RBFOX1: variants seen among roughly 807,000 people sequenced by gnomAD.
The protein encoded by RBFOX1 is RNA binding protein fox-1 homolog 1.
Under a neutral mutation model 57.7 loss-of-function variants are expected in RBFOX1, and 8 were observed. The ratio of observed to expected loss-of-function variants is 0.14; its 90% CI spans 0.08 to 0.25. RBFOX1 has a LOEUF of 0.25. RBFOX1 is among the 10% of genes least tolerant of loss of function. The pLI is 1.00. For synonymous variants in RBFOX1, 326 were observed against 222.4 expected, an observed-to-expected ratio of 1.47 and a Z score of -4.15; for missense variants, 611 against 548.5, an observed-to-expected ratio of 1.11 and a Z score of -1.14.
At chr16:6,287,041 T>G (rs2152711497) in intron 1 of RBFOX1, among the ~76,000 whole-genome samples, 1 of 152,120 alleles carries the variant, frequency 6.6e-6, no homozygotes, top group African/African-American at 2.4e-5. Flanking sequence ...ATCTACAGAT[T>G]TTGAGTTGGG....
intron 3 of RBFOX1, among the ~76,000 whole-genome samples, chr16:6,911,056 C>G (rs1596971350): frequency 6.6e-6 from 1 of 151,916 alleles, no homozygotes; most frequent in East Asian, 1.9e-4. Flanking sequence ...CAAAAATTAG[C>G]CGAGCGTGGT....
chr16:6,889,016 A>C (rs2064805909), intron 3 of RBFOX1, among the ~76,000 whole-genome samples: 1 of 152,184 alleles, frequency 6.6e-6, no homozygotes, highest in Admixed American at 6.5e-5. Flanking sequence ...ATTGCAAATA[A>C]GTCTTCAGGG....
intron 11 of RBFOX1, among the ~76,000 whole-genome samples, chr16:7,638,027 T>A (rs951214303): frequency 6.6e-6 from 1 of 152,190 alleles, no homozygotes; most frequent in East Asian, 1.9e-4. Flanking sequence ...ATCGTGGATT[T>A]AAAAAATAAT....
intron 3 of RBFOX1, among the ~76,000 whole-genome samples, chr16:5,671,327 T>C (rs1369038546): frequency 6.6e-6 from 1 of 152,150 alleles, no homozygotes; most frequent in Non-Finnish European, 1.5e-5. Context: ...ATCTTATTAG[T>C]GTAGAAGGAT....
intron 2 of RBFOX1, among the ~76,000 whole-genome samples, chr16:6,615,743 A>G (rs1044163387): frequency 6.6e-6 from 1 of 152,128 alleles, no homozygotes; most frequent in East Asian, 1.9e-4. Flanking sequence ...AAGTCTCTCT[A>G]TATAGCTTCC....
chr16:6,424,265 A>C (rs926690254), intron 2 of RBFOX1, among the ~76,000 whole-genome samples: 8 of 152,134 alleles, frequency 5.3e-5, no homozygotes, highest in Non-Finnish European at 1.0e-4. Context: ...ATGAACAAAC[A>C]AACAACAACA....
At chr16:6,698,234 G>A (rs1176912012) in intron 3 of RBFOX1, among the ~76,000 whole-genome samples, 1 of 152,074 alleles carries the variant, frequency 6.6e-6, no homozygotes, top group Non-Finnish European at 1.5e-5. Flanking sequence ...ATATCATTAT[G>A]TAAAATAATA....
intron 3 of RBFOX1, among the ~76,000 whole-genome samples, chr16:6,889,640 C>G (rs1212370464): frequency 6.6e-6 from 1 of 152,194 alleles, no homozygotes; most frequent in East Asian, 1.9e-4. Flanking sequence ...TATCCGTAAG[C>G]CCATCCTCAA....
At chr16:6,918,849 T>G (rs112817344) in intron 3 of RBFOX1, among the ~76,000 whole-genome samples, 10 of 152,104 alleles carry the variant, frequency 6.6e-5, no homozygotes, top group African/African-American at 2.2e-4. Context: ...TGCAACACAT[T>G]GCAGGCTTGG....
chr16:6,034,229 G>A (rs2095331047), intron 1 of RBFOX1, among the ~76,000 whole-genome samples: 1 of 150,226 alleles, frequency 6.7e-6, no homozygotes, highest in Non-Finnish European at 1.5e-5. Flanking sequence ...CAGCTACTTG[G>A]GAGGCTGAGG....
intron 3 of RBFOX1, among the ~76,000 whole-genome samples, chr16:5,698,909 T>C (rs1426626569): frequency 6.6e-6 from 1 of 152,174 alleles, no homozygotes. Flanking sequence ...GTCTTTGTTT[T>C]CCTATTTCTT....
rs538146660 is a variant in RBFOX1 at position 6,019,287 on chromosome 16, G to T, written c.-832G>T. On this transcript the variant is annotated 5_prime_UTR_variant, in exon 1 of 16. Coordinates refer to ENST00000550418, the MANE Select transcript of RBFOX1 (RefSeq NM_018723.4). This position sits in a 1 kb window ranked among gnomAD's most constrained non-coding sequence, Gnocchi z 4.2. ...CCCCTTCCTGGTCTCCCGAGCGCGG[G>T]GTTTGAAGGTCACCTCCTTTCCAGT... 29 of 985,046 alleles carry T rather than the reference G, an allele frequency of 2.9e-5. No individual in the cohort carries two copies. In the East Asian group the frequency reaches 3.1e-3, roughly 106 times the overall value. 61.0% of individuals were successfully genotyped at this position (985,046 alleles called of 1,614,324 possible).
At chr16:7,063,310 G>A (rs2055059630) in intron 4 of RBFOX1, among the ~76,000 whole-genome samples, 1 of 151,744 alleles carries the variant, frequency 6.6e-6, no homozygotes, top group South Asian at 2.1e-4. Flanking sequence ...CAACCCCAGG[G>A]GACCACCCCC....
chr16:7,176,280 T>C (rs1190794273), intron 4 of RBFOX1, among the ~76,000 whole-genome samples: 3 of 149,470 alleles, frequency 2.0e-5, no homozygotes, highest in Non-Finnish European at 4.4e-5. Context: ...TGTAAGTGCT[T>C]AGCACCATTT....
At chr16:6,052,804 T>TATAATAATAATAATAATA (rs200513769) in intron 1 of RBFOX1, among the ~76,000 whole-genome samples, 3,419 of 144,184 alleles carry the variant, frequency 0.024, 51 homozygotes, top group Non-Finnish European at 0.031. Context: ...TAAAATAAAA[T>TATAATAATAATAATAATA]ATAATAATAA....
At chr16:7,065,956 G>A (rs1247962575) in intron 4 of RBFOX1, among the ~76,000 whole-genome samples, 1 of 152,018 alleles carries the variant, frequency 6.6e-6, no homozygotes, top group African/African-American at 2.4e-5. Flanking sequence ...ACAGTAACTT[G>A]TGTAAAACCC....
At chr16:5,253,490 A>G (rs941692779) in intron 1 of RBFOX1, among the ~76,000 whole-genome samples, 12 of 152,116 alleles carry the variant, frequency 7.9e-5, no homozygotes, top group Non-Finnish European at 1.6e-4. Flanking sequence ...CATGACTTCA[A>G]GCATCTAGGA....
chr16:5,393,636 G>T (rs1419684660), intron 1 of RBFOX1, among the ~76,000 whole-genome samples: 1 of 152,160 alleles, frequency 6.6e-6, no homozygotes, highest in Non-Finnish European at 1.5e-5. Context: ...TACTTCATGT[G>T]TCATCCTGTT....
intron 3 of RBFOX1, among the ~76,000 whole-genome samples, chr16:6,734,101 T>C (rs947694040): frequency 6.6e-6 from 1 of 152,204 alleles, no homozygotes; most frequent in Admixed American, 6.5e-5. Context: ...TCCAGTCTTA[T>C]TACCAGAATT....
Sources: allele counts gnomAD v4.1 joint callset (sites outside exome capture counted in the v4.1 genomes callset), GRCh38; gene constraint gnomAD v4.1.1; non-coding constraint Gnocchi (gnomAD v3.1); transcripts MANE v1.5; gene names NCBI Gene and HGNC (gene_info 2026-07-23, HGNC 2026-07-21).